The following GALNT18 variants were observed in gnomAD, a reference collection of about 807,000 sequenced individuals.
GALNT18 encodes the protein GalNAc-transferase 18.
A neutral mutation model predicts 69.5 loss-of-function variants in GALNT18; 44 were observed. That is an observed-to-expected ratio of 0.63 (90% CI 0.50 to 0.81). The LOEUF (loss-of-function observed/expected upper bound fraction) is 0.81, where lower values mean the gene tolerates loss of function less well. Ranked by LOEUF, GALNT18 falls within the 40% of genes least tolerant of loss-of-function variation. The probability of loss-of-function intolerance (pLI) is 0.00; values close to 1 mark genes in which losing one functional copy is unlikely to be tolerated. For missense variants in GALNT18, 715 were observed against 810.0 expected, an observed-to-expected ratio of 0.88 and a Z score of 1.42; for synonymous variants, 364 against 318.2, an observed-to-expected ratio of 1.14 and a Z score of -1.53.
chr11:11,274,109 G>C (rs542262082), intron 10 of GALNT18, among the ~76,000 whole-genome samples: 1 of 152,280 alleles, frequency 6.6e-6, no homozygotes, highest in South Asian at 2.1e-4. Flanking sequence ...CCCAGCCAAG[G>C]AAAGCTGTGA....
intron 1 of GALNT18, among the ~76,000 whole-genome samples, chr11:11,490,775 G>A (rs1239921919): frequency 6.6e-6 from 1 of 152,204 alleles, no homozygotes; most frequent in African/African-American, 2.4e-5. Context: ...GAAGCCCTGT[G>A]CTGCATTTGA....
chr11:11,292,485 C>T (rs561510036), intron 10 of GALNT18, among the ~76,000 whole-genome samples: 44 of 152,264 alleles, frequency 2.9e-4, no homozygotes, highest in Admixed American at 6.5e-4. Flanking sequence ...CCAAATGGCC[C>T]CAAGATGCTG....
chr11:11,597,615 A>C (rs921380028), intron 1 of GALNT18, among the ~76,000 whole-genome samples: 40 of 150,800 alleles, frequency 2.7e-4, no homozygotes, highest in African/African-American at 8.3e-4. Context: ...TTCTAAGGTC[A>C]GTTGCAATGT....
At position 11,404,161 on chromosome 11, in the gene GALNT18, C is replaced by T. The variant is rs550473699; in HGVS notation, c.596-24897G>A. 3.9e-5 allele frequency among the ~76,000 whole-genome samples: 6 copies of T among 152,280 alleles called. No homozygotes were observed. In the East Asian group the frequency reaches 5.8e-4, roughly 15 times the overall value. On this transcript the variant is annotated intron_variant, in intron 3 of 10. Transcript: ENST00000227756. This position sits in a 1 kb window ranked among gnomAD's most constrained non-coding sequence, Gnocchi z 4.5. ...TCCCCATGAAACGGGCTTTCTCTTC[C>T]GTAAAGGAGTGAGTGTCTAGGGGAG...
chr11:11,490,804 C>T (rs1039047312), intron 1 of GALNT18, among the ~76,000 whole-genome samples: 1 of 152,244 alleles, frequency 6.6e-6, no homozygotes, highest in African/African-American at 2.4e-5. Context: ...CTCTCCAAAT[C>T]ATGCAGGGCT....
At chr11:11,342,880 G>A (rs1850234891) in intron 6 of GALNT18, among the ~76,000 whole-genome samples, 1 of 152,146 alleles carries the variant, frequency 6.6e-6, no homozygotes, top group Non-Finnish European at 1.5e-5. Flanking sequence ...TATCTCAGAA[G>A]GTCACTGAGA....
At chr11:11,351,680 C>T (rs1589928554) in intron 6 of GALNT18, among the ~76,000 whole-genome samples, 1 of 152,094 alleles carries the variant, frequency 6.6e-6, no homozygotes, top group East Asian at 1.9e-4. Flanking sequence ...GAAATAGGAT[C>T]TCTGGCCCCC....
intron 1 of GALNT18, among the ~76,000 whole-genome samples, chr11:11,588,964 A>G (rs1232223539): frequency 6.6e-6 from 1 of 152,236 alleles, no homozygotes; most frequent in Non-Finnish European, 1.5e-5. Context: ...CAGCAAGCAG[A>G]GTGACTGAAG....
chr11:11,374,658 G>A (rs900522944), intron 5 of GALNT18, among the ~76,000 whole-genome samples: 3 of 152,222 alleles, frequency 2.0e-5, no homozygotes, highest in African/African-American at 4.8e-5. Flanking sequence ...ATTATTAACC[G>A]GCTAGGGTAT....
At chr11:11,492,989 G>A (rs1196278484) in intron 1 of GALNT18, among the ~76,000 whole-genome samples, 1 of 152,098 alleles carries the variant, frequency 6.6e-6, no homozygotes, top group Non-Finnish European at 1.5e-5. Context: ...TGGGCCGGGT[G>A]CAGTGGCTCA....
intron 3 of GALNT18, among the ~76,000 whole-genome samples, chr11:11,384,869 AC>A (rs1854011306): frequency 6.6e-6 from 1 of 152,220 alleles, no homozygotes; most frequent in Non-Finnish European, 1.5e-5. Flanking sequence ...TATCCATGCT[AC>A]TGGATGTTTA....
intron 6 of GALNT18, among the ~76,000 whole-genome samples, chr11:11,371,232 A>G (rs1328147329): frequency 6.6e-6 from 1 of 152,206 alleles, no homozygotes; most frequent in Non-Finnish European, 1.5e-5. Flanking sequence ...AGGTCATTGC[A>G]GGCATTGTGA....
chr11:11,535,666 C>T (rs1032860169), intron 1 of GALNT18, among the ~76,000 whole-genome samples: 7 of 152,160 alleles, frequency 4.6e-5, no homozygotes, highest in East Asian at 1.9e-4. Flanking sequence ...ACCACCCAGC[C>T]GGCCGAGCTT....
intron 4 of GALNT18, among the ~76,000 whole-genome samples, chr11:11,378,583 C>A (rs1244288626): frequency 1.3e-5 from 2 of 152,238 alleles, no homozygotes; most frequent in Non-Finnish European, 2.9e-5. Context: ...TAGGGAGAAT[C>A]TGAGATTACG....
chr11:11,492,792 C>T (rs374189170), intron 1 of GALNT18, among the ~76,000 whole-genome samples: 2 of 151,994 alleles, frequency 1.3e-5, no homozygotes, highest in African/African-American at 2.4e-5. Flanking sequence ...AAATACCTAA[C>T]GTATCTGGGG....
intron 1 of GALNT18, among the ~76,000 whole-genome samples, chr11:11,567,456 A>C (rs1858680936): frequency 6.6e-6 from 1 of 152,214 alleles, no homozygotes; most frequent in Non-Finnish European, 1.5e-5. Context: ...TCAAAGTAAT[A>C]CCATAATGTA....
intron 1 of GALNT18, among the ~76,000 whole-genome samples, chr11:11,472,948 A>T (rs1038577): frequency 0.36 from 54,275 of 151,880 alleles, 10,285 homozygotes; most frequent in South Asian, 0.51. Flanking sequence ...GCCATGATCA[A>T]GCCATGGCAC....
chr11:11,613,429 A>G lies in GALNT18; in HGVS notation c.235+7930T>C, dbSNP rs1363759129. ...ACTCTAATAAATTAAAGGGATTTCA[A>G]GGTTGTTACATTCCCTTGCATACTA... On this transcript the variant is annotated intron_variant, in intron 1 of 10. Transcript: ENST00000227756. The surrounding 1 kb of genome is among the most constrained non-coding windows in gnomAD (Gnocchi z 4.2). Among the ~76,000 whole-genome samples, 14 of 152,246 alleles carry G rather than the reference A, an allele frequency of 9.2e-5. No homozygotes were observed. Among genetic ancestry groups the G allele is most frequent in the Non-Finnish European group, 1.5e-4 (10 of 68,042 alleles).
At chr11:11,352,399 G>A (rs761363707) in intron 6 of GALNT18, 2 of 1,614,028 alleles carry the variant, frequency 1.2e-6, no homozygotes, top group East Asian at 2.2e-5. Flanking sequence ...CTCACCAACT[G>A]ATCATAATTG....
Sources: allele counts gnomAD v4.1 joint callset (sites outside exome capture counted in the v4.1 genomes callset), GRCh38; gene constraint gnomAD v4.1.1; non-coding constraint Gnocchi (gnomAD v3.1); transcripts MANE v1.5; gene names NCBI Gene and HGNC (gene_info 2026-07-23, HGNC 2026-07-21).